C1orf53: variants seen among roughly 807,000 people sequenced by gnomAD.
The protein encoded by C1orf53 is uncharacterized protein C1orf53.
A neutral mutation model predicts 17.5 loss-of-function variants in C1orf53; 23 were observed. That is an observed-to-expected ratio of 1.31 (90% confidence interval 0.94 to 1.86). C1orf53 has a LOEUF of 1.86. Ranked by LOEUF, C1orf53 falls within the 40% of genes most tolerant of loss-of-function variation. The pLI, the probability that C1orf53 is intolerant of heterozygous loss-of-function variation, is 0.00. For synonymous variants in C1orf53, 108 were observed against 81.9 expected (o/e 1.32, Z -1.72); for missense variants, 255 against 193.2 (o/e 1.32, Z -1.89).
At chr1:197,907,081 T>G in intron 2 of C1orf53, 68 bp from the exon 3 acceptor site, 5 of 946,826 alleles carry the variant, frequency 5.3e-6, no homozygotes, top group Non-Finnish European at 8.1e-6. Context: ...TTTGTCACCA[T>G]GAGAAGTGTG....
intron 1 of C1orf53, chr1:197,905,544 AGAG>A: frequency 2.5e-6 from 1 of 397,418 alleles, no homozygotes; most frequent in South Asian, 3.3e-5. Context: ...TATTAGGTAC[AGAG>A]GAGTTCTTGT....
intron 1 of C1orf53, among the ~76,000 whole-genome samples, chr1:197,903,247 A>T (rs1659469147): frequency 6.6e-6 from 1 of 152,154 alleles, no homozygotes; most frequent in Admixed American, 6.5e-5. Flanking sequence ...GAATTGATGG[A>T]GAAGGTGGAG....
chr1:197,907,304 C>A lies in C1orf53; in HGVS notation c.*84C>A. 1 of 675,060 alleles carries A rather than the reference C, an allele frequency of 1.5e-6. No individual in the cohort carries two copies. The highest frequency in any genetic ancestry group is 2.5e-6 in the Non-Finnish European group (1 of 393,464). 41.8% of individuals were successfully genotyped at this position (675,060 alleles called of 1,614,324 possible). On this transcript the variant is annotated 3_prime_UTR_variant, in exon 3 of 3. Transcript: ENST00000367393. ...ATTCAGAATTGCTGGATTATTAGTACTTGAACACTAGTTTAATCCTAAATA... is the reference window on the plus strand; with the variant it reads ...ATTCAGAATTGCTGGATTATTAGTAATTGAACACTAGTTTAATCCTAAATA...
intron 1 of C1orf53, among the ~76,000 whole-genome samples, chr1:197,904,749 C>T (rs1010000018): frequency 4.6e-5 from 7 of 152,080 alleles, no homozygotes; most frequent in African/African-American, 1.7e-4. Context: ...TCAACTGTAC[C>T]CGTCCTTTTG....
chr1:197,905,915 C>T lies in C1orf53; in HGVS notation c.366+18C>T, dbSNP rs967725031. 4.5e-6 allele frequency: 7 copies of T among 1,568,202 alleles called. No homozygotes were observed. Among genetic ancestry groups the T allele is most frequent in the Non-Finnish European group, 6.1e-6 (7 of 1,138,458 alleles). On this transcript the variant is annotated intron_variant, in intron 2 of 2. Coordinates refer to ENST00000367393, the MANE Select transcript of C1orf53 (RefSeq NM_001024594.3). ...GCAGACATGTGAGTAGCAATTCTTGCATTACAGCAGCAGTTTGCGGTGCTT... is the reference window on the plus strand; with the variant it reads ...GCAGACATGTGAGTAGCAATTCTTGTATTACAGCAGCAGTTTGCGGTGCTT...
At chr1:197,904,804 A>G (rs1659494839) in intron 1 of C1orf53, among the ~76,000 whole-genome samples, 1 of 152,258 alleles carries the variant, frequency 6.6e-6, no homozygotes, top group East Asian at 1.9e-4. Flanking sequence ...AACCTCAACC[A>G]GAATAAAATA....
At chr1:197,904,958 G>C (rs1372246111) in intron 1 of C1orf53, among the ~76,000 whole-genome samples, 1 of 152,030 alleles carries the variant, frequency 6.6e-6, no homozygotes, top group Non-Finnish European at 1.5e-5. Flanking sequence ...GTGGTAAAAA[G>C]GTTATACAAA....
At chr1:197,905,283 C>T (rs1039413585) in intron 1 of C1orf53, among the ~76,000 whole-genome samples, 3 of 151,826 alleles carry the variant, frequency 2.0e-5, no homozygotes, top group East Asian at 1.9e-4. Context: ...TGAAGTAACA[C>T]ATGAAGGTAA....
chr1:197,906,921 CA>C (rs1448443152), intron 2 of C1orf53, among the ~76,000 whole-genome samples: 4 of 152,066 alleles, frequency 2.6e-5, no homozygotes, highest in African/African-American at 9.7e-5. Context: ...GATTTTTTGA[CA>C]GTAAAATTCT....
rs755232041 is a variant in C1orf53 at position 197,902,825 on chromosome 1, G to A, written c.176G>A (p.Arg59Lys). The A allele has an allele frequency of 3.8e-5, 60 of 1,569,378 alleles. No individual in the cohort carries two copies. The East Asian group carries it at 1.4e-3, about 37-fold the overall frequency. The change falls in exon 1 of 3, where the codon AGG becomes AAG. Residue 59 changes from arginine (R) to lysine (K), a missense_variant. Physicochemically the swap from Arg to Lys is conservative, Grantham distance 26. Transcript: ENST00000367393. ...GGCTCCGCGCCCAGCACGCCCGGTA[G>A]GCCGGAGAGAGCGGCGAGGCCTTCG... Reference protein sequence around the residue: ...CGGSAPSTPGRPERAARPSVS... With the variant: ...CGGSAPSTPGKPERAARPSVS...
At position 197,902,789 on chromosome 1, in the gene C1orf53, G is replaced by C. The variant is rs751158476; in HGVS notation, c.140G>C (p.Gly47Ala). Residue 47 changes from glycine to alanine, a missense_variant, in exon 1 of 3, where the codon GGA (glycine) becomes GCA (alanine). Coordinates refer to ENST00000367393, the MANE Select transcript of C1orf53 (RefSeq NM_001024594.3). ...TTAACCCTCTGCCCTGCTAACGAGG[G>C]AAACTGCGGCGGCTCCGCGCCCAGC... ...LSLTLCPANE[G>A]NCGGSAPSTP... The C allele has an allele frequency of 2.5e-6, 4 of 1,581,370 alleles. No homozygotes were observed. Among genetic ancestry groups the C allele is most frequent in the Non-Finnish European group, 3.4e-6 (4 of 1,170,886 alleles).
chr1:197,907,013 CT>C, intron 2 of C1orf53, 135 bp from the exon 3 acceptor site: 1 of 504,176 alleles, frequency 2.0e-6, no homozygotes, highest in South Asian at 3.7e-5. Flanking sequence ...ATATTTTTCT[CT>C]TAGTCTGCAG....
At chr1:197,903,069 A>G (rs1659466461) in intron 1 of C1orf53, among the ~76,000 whole-genome samples, 156 bp downstream of exon 1, 1 of 152,230 alleles carries the variant, frequency 6.6e-6, no homozygotes, top group South Asian at 2.1e-4. Context: ...TCGCGCACGC[A>G]CACGAACTTC....
At chr1:197,903,696 A>G (rs1659475764) in intron 1 of C1orf53, among the ~76,000 whole-genome samples, 1 of 152,226 alleles carries the variant, frequency 6.6e-6, no homozygotes, top group Non-Finnish European at 1.5e-5. Flanking sequence ...CTAATATTAT[A>G]TGGTATGACT....
chr1:197,904,915 A>AC (rs1659496911), intron 1 of C1orf53, among the ~76,000 whole-genome samples: 4 of 150,986 alleles, frequency 2.6e-5, no homozygotes, highest in Non-Finnish European at 4.4e-5. Flanking sequence ...AATGAAAAAA[A>AC]CTCTGTACAA....
intron 1 of C1orf53, 72 bp from the exon 2 acceptor site, chr1:197,905,724 G>T (rs1659512476): frequency 1.9e-6 from 2 of 1,068,674 alleles, no homozygotes; most frequent in Non-Finnish European, 2.9e-6. Context: ...AGTATTTTAT[G>T]TGTAGACATT....
At chr1:197,904,482 C>T (rs968928482) in intron 1 of C1orf53, among the ~76,000 whole-genome samples, 3 of 152,178 alleles carry the variant, frequency 2.0e-5, no homozygotes, top group Non-Finnish European at 4.4e-5. Flanking sequence ...AAAAAGAAGC[C>T]TGCTACAGAG....
At chr1:197,905,943 G>A (rs1490290938) in intron 2 of C1orf53, 46 bp downstream of exon 2, 2 of 1,307,982 alleles carry the variant, frequency 1.5e-6, no homozygotes, top group Non-Finnish European at 2.2e-6. Flanking sequence ...CGGTGCTTCT[G>A]TAACTTCGTA....
chr1:197,904,699 G>C (rs1056986961), intron 1 of C1orf53, among the ~76,000 whole-genome samples: 10 of 152,106 alleles, frequency 6.6e-5, no homozygotes, highest in Non-Finnish European at 1.3e-4. Context: ...GCCCTGTCCT[G>C]CTCTAGCTTT....
Sources: gnomAD v4.1 joint callset for allele counts (sites outside exome capture counted in the v4.1 genomes callset) on GRCh38, gnomAD v4.1.1 for gene constraint, MANE v1.5 for transcripts, NCBI Gene and HGNC (gene_info 2026-07-23, HGNC 2026-07-21) for gene names.